VPS13B: variants seen among roughly 807,000 people sequenced by gnomAD.
VPS13B encodes vacuolar protein sorting 13 homolog B, also known as intermembrane lipid transfer protein VPS13B.
A neutral mutation model predicts 426.4 loss-of-function variants in VPS13B; 285 were observed. That is an observed-to-expected ratio of 0.67 (90% CI 0.61 to 0.74). The LOEUF is 0.74. Ranked by LOEUF, VPS13B falls within the 30% of genes least tolerant of loss-of-function variation. The pLI is 0.00. For missense variants in VPS13B, 4,537 were observed against 4,782.6 expected, an observed-to-expected ratio of 0.95 and a Z score of 1.51; for synonymous variants, 1,676 against 1,676.4, an observed-to-expected ratio of 1.00 and a Z score of 0.01.
intron 23 of VPS13B, among the ~76,000 whole-genome samples, chr8:99,467,007 A>G (rs1306897397): frequency 6.6e-6 from 1 of 152,152 alleles, no homozygotes; most frequent in Non-Finnish European, 1.5e-5. Context: ...AAGCAACAGA[A>G]ACATATTGTC....
intron 43 of VPS13B, among the ~76,000 whole-genome samples, chr8:99,808,215 A>G (rs1183399095): frequency 6.6e-6 from 1 of 152,188 alleles, no homozygotes; most frequent in East Asian, 1.9e-4. Context: ...ATATAAATAT[A>G]TCTTTCTTAA....
chr8:99,809,643 C>A (rs977630417), intron 44 of VPS13B, 113 bp downstream of exon 44: 3 of 1,257,138 alleles, frequency 2.4e-6, no homozygotes, highest in Non-Finnish European at 3.4e-6. Flanking sequence ...GTTATATCTA[C>A]TACTACCATG....
At chr8:99,806,552 A>G (rs181519378) in intron 43 of VPS13B, among the ~76,000 whole-genome samples, 1 of 152,286 alleles carries the variant, frequency 6.6e-6, no homozygotes, top group East Asian at 1.9e-4. Flanking sequence ...TGTGGGGCAA[A>G]GAACATATCT....
chr8:99,651,532 T>C (rs1308651695), intron 34 of VPS13B, among the ~76,000 whole-genome samples: 6 of 152,198 alleles, frequency 3.9e-5, no homozygotes. Context: ...CCTTCCCACC[T>C]GGAGCAACCT....
chr8:99,344,606 CTT>C (rs1242777893), intron 19 of VPS13B, among the ~76,000 whole-genome samples: 2 of 152,100 alleles, frequency 1.3e-5, no homozygotes, highest in East Asian at 3.8e-4. Context: ...TATTGTGAGA[CTT>C]ATATGGATTT....
At chr8:99,233,316 T>C (rs1816450476) in intron 17 of VPS13B, 2 of 1,104,886 alleles carry the variant, frequency 1.8e-6, no homozygotes, top group East Asian at 2.3e-5. Flanking sequence ...TGATATGGGC[T>C]TCCAGCTTCA....
At chr8:99,687,316 C>T (rs1474711382) in intron 35 of VPS13B, among the ~76,000 whole-genome samples, 1 of 152,016 alleles carries the variant, frequency 6.6e-6, no homozygotes, top group Non-Finnish European at 1.5e-5. Flanking sequence ...AGGGGTGGCA[C>T]AAGCACTCCC....
Position 99,642,265 on chromosome 8 carries a change from C to T in VPS13B, c.5675C>T (p.Ser1892Phe), listed in dbSNP as rs1588579775. 2 of 1,614,166 alleles carry T rather than the reference C, an allele frequency of 1.2e-6. No homozygotes were observed. The highest frequency in any genetic ancestry group is 1.7e-6 in the Non-Finnish European group (2 of 1,180,014). The change falls in exon 34 of 62, where the codon TCT becomes TTT. Residue 1892 changes from serine to phenylalanine, a missense_variant. By Grantham distance (155) the Ser-to-Phe change is radical. This residue lies in a region of VPS13B where 4,311 missense variants were observed against 4,474.3 expected (regional missense o/e 0.96). Transcript: ENST00000357162. Reference sequence around the variant, plus strand: ...TCAGGGAAAAAAATAGGGGTCCTCTCTCTTGAAAGTCTTCATGCATCCACA... The same window carrying T: ...TCAGGGAAAAAAATAGGGGTCCTCTTTCTTGAAAGTCTTCATGCATCCACA... The part of the protein sequence containing the change: ...FPSGKKIGVL[S>F]LESLHASTRS...
intron 3 of VPS13B, among the ~76,000 whole-genome samples, chr8:99,083,925 T>C (rs1191158773): frequency 6.6e-6 from 1 of 150,606 alleles, no homozygotes; most frequent in African/African-American, 2.5e-5. Context: ...TGTCTTTTTG[T>C]ATTGTGTCTC....
chr8:99,096,601 C>T (rs969682796), intron 4 of VPS13B, among the ~76,000 whole-genome samples, 169 bp downstream of exon 4: 3 of 151,844 alleles, frequency 2.0e-5, no homozygotes, highest in African/African-American at 7.3e-5. Flanking sequence ...GCTAAAAATA[C>T]AAAAATTAGC....
At chr8:99,412,304 T>A (rs1347794787) in intron 21 of VPS13B, among the ~76,000 whole-genome samples, 1 of 152,246 alleles carries the variant, frequency 6.6e-6, no homozygotes, top group Non-Finnish European at 1.5e-5. Flanking sequence ...TAAGTTGTAT[T>A]CCTAGGTATT....
At chr8:99,294,770 G>T (rs1797708801) in intron 19 of VPS13B, among the ~76,000 whole-genome samples, 1 of 152,078 alleles carries the variant, frequency 6.6e-6, no homozygotes. Flanking sequence ...GAATACTGTT[G>T]TGTTGTCCAT....
chr8:99,383,618 C>A (rs1813955063), intron 19 of VPS13B, among the ~76,000 whole-genome samples: 1 of 152,106 alleles, frequency 6.6e-6, no homozygotes, highest in Non-Finnish European at 1.5e-5. Context: ...GCAGTTATTT[C>A]TACTCTCCCC....
At position 99,793,885 on chromosome 8, in the gene VPS13B, A is replaced by C. The variant is rs534056858; in HGVS notation, c.7941+9409A>C. Among the ~76,000 whole-genome samples, 3 of 152,344 alleles carry C rather than the reference A, an allele frequency of 2.0e-5. No individual in the cohort carries two copies. The East Asian group carries it at 5.8e-4, about 29-fold the overall frequency. ...GTGGACAGTTTCTTAATTTCTTGGCACTTCAACTTCCTCTTCTGCATAATT... is the reference window on the plus strand; with the variant it reads ...GTGGACAGTTTCTTAATTTCTTGGCCCTTCAACTTCCTCTTCTGCATAATT... On this transcript the variant is annotated intron_variant, in intron 43 of 61. Coordinates refer to ENST00000357162, the MANE Select transcript of VPS13B (RefSeq NM_152564.5).
chr8:99,297,541 T>G (rs1326078628), intron 19 of VPS13B, among the ~76,000 whole-genome samples: 1 of 152,254 alleles, frequency 6.6e-6, no homozygotes, highest in Non-Finnish European at 1.5e-5. Flanking sequence ...ATGTGCTAAT[T>G]CTTTTCTTCC....
rs142318684 is a variant in VPS13B, at chr8:99,809,561, C to T, written c.8097+31C>T. 25 of 1,613,310 alleles carry T rather than the reference C, an allele frequency of 1.5e-5. No individual in the cohort carries two copies. The East Asian group carries it at 5.1e-4, about 33-fold the overall frequency. On this transcript the variant is annotated intron_variant, in intron 44 of 61. Coordinates refer to ENST00000357162, the MANE Select transcript of VPS13B (RefSeq NM_152564.5). ...TTTCTTTGTGTTCATGACCCAGACA[C>T]CTCTTAATTATTCAGTGTAATGGAG...
intron 19 of VPS13B, among the ~76,000 whole-genome samples, chr8:99,327,253 A>G (rs1344461881): frequency 2.0e-5 from 3 of 152,172 alleles, no homozygotes; most frequent in Non-Finnish European, 2.9e-5. Context: ...AGTCATCCCA[A>G]TTCAATTTAA....
intron 17 of VPS13B, among the ~76,000 whole-genome samples, chr8:99,260,653 G>A (rs902610376): frequency 6.6e-6 from 1 of 151,720 alleles, no homozygotes; most frequent in African/African-American, 2.4e-5. Context: ...GATTGAATAG[G>A]ATCACTAGAT....
chr8:99,085,296 C>A (rs1214669459), intron 3 of VPS13B, among the ~76,000 whole-genome samples: 15 of 151,614 alleles, frequency 9.9e-5, no homozygotes. Context: ...TTTTGTTTTC[C>A]ATTTGCTTGG....
Sources: allele counts gnomAD v4.1 joint callset (sites outside exome capture counted in the v4.1 genomes callset), GRCh38; gene constraint gnomAD v4.1.1; regional missense constraint gnomAD v4.1.1; transcripts MANE v1.5; gene names NCBI Gene and HGNC (gene_info 2026-07-23, HGNC 2026-07-21).